The following MACROD2 variants were observed in gnomAD, a reference collection of about 807,000 sequenced individuals.
MACROD2 encodes the protein mono-ADP ribosylhydrolase 2, also known as ADP-ribose glycohydrolase MACROD2.
Under a neutral mutation model 70.4 loss-of-function variants are expected in MACROD2, and 36 were observed. The observed-to-expected ratio is 0.51, with a 90% CI of 0.39 to 0.68. MACROD2 has a LOEUF of 0.68. Among genes scored for constraint, MACROD2 ranks in the 30% least tolerant of loss-of-function variants. The probability of loss-of-function intolerance (pLI) is 0.00; values close to 1 mark genes in which losing one functional copy is unlikely to be tolerated. For missense variants in MACROD2, 496 were observed against 538.4 expected (o/e 0.92, Z 0.78); for synonymous variants, 172 against 178.8 (o/e 0.96, Z 0.30).
intron 5 of MACROD2, among the ~76,000 whole-genome samples, chr20:15,095,864 TG>T (rs2075827798): frequency 2.0e-4 from 3 of 15,296 alleles, no homozygotes; most frequent in Non-Finnish European, 5.1e-4. Flanking sequence ...ATGTTGTTTG[TG>T]TGTGTGTGTG....
chr20:14,311,293 C>T lies in MACROD2; in HGVS notation c.272-182186C>T, dbSNP rs1426164943. Among the ~76,000 whole-genome samples, 8 of 152,262 alleles carry T rather than the reference C, an allele frequency of 5.3e-5. 1 individual carries two copies. Among genetic ancestry groups the T allele is most frequent in the Admixed American group, 1.3e-4 (2 of 15,294 alleles). ...CTATGTTTAGTTATGTTTAGACACA[C>T]AAATACCACTGTGTTACAATTGCTT... is the stretch of plus-strand genomic sequence containing the variant. On this transcript the variant is annotated intron_variant, in intron 3 of 17. Transcript: ENST00000684519.
rs2063755278 is a variant in MACROD2, at chr20:15,804,886, A to AT, written c.646-57858dup. On this transcript the variant is annotated intron_variant, in intron 8 of 17. Coordinates refer to ENST00000684519, the MANE Select transcript of MACROD2 (RefSeq NM_001351661.2). Reference sequence around the variant, plus strand: ...TCCCATGAGTGGCTTTCAACCCATGATCAATAGGGATGATTCCTGCATGCC... The same window carrying AT: ...TCCCATGAGTGGCTTTCAACCCATGATTCAATAGGGATGATTCCTGCATGCC... 6.6e-5 allele frequency among the ~76,000 whole-genome samples: 10 copies of AT among 152,250 alleles called. No homozygotes were observed. In the South Asian group the frequency reaches 2.1e-3, roughly 32 times the overall value.
At chr20:14,293,213 G>A (rs1016511268) in intron 3 of MACROD2, among the ~76,000 whole-genome samples, 20 of 151,452 alleles carry the variant, frequency 1.3e-4, no homozygotes, top group Non-Finnish European at 2.6e-4. Flanking sequence ...TGCTATTCTA[G>A]GCACTGGAGA....
At chr20:14,384,796 G>GA (rs2083454320) in intron 3 of MACROD2, among the ~76,000 whole-genome samples, 1 of 152,100 alleles carries the variant, frequency 6.6e-6, no homozygotes, top group Admixed American at 6.5e-5. Context: ...TTTGCTAAGT[G>GA]AAATTAAACA....
intron 8 of MACROD2, among the ~76,000 whole-genome samples, chr20:15,677,957 C>T (rs565922172): frequency 6.4e-4 from 97 of 151,948 alleles, no homozygotes; most frequent in African/African-American, 1.6e-3. Flanking sequence ...CCCAGCTACT[C>T]GGGAGGCTGA....
intron 10 of MACROD2, among the ~76,000 whole-genome samples, chr20:15,919,001 C>T (rs186800461): frequency 3.3e-5 from 5 of 152,108 alleles, no homozygotes; most frequent in Admixed American, 6.5e-5. Flanking sequence ...TTAGACAGAC[C>T]GATTCTCATT....
chr20:14,296,370 C>T (rs1307559583), intron 3 of MACROD2, among the ~76,000 whole-genome samples: 1 of 151,872 alleles, frequency 6.6e-6, no homozygotes, highest in African/African-American at 2.4e-5. Context: ...CTGCATTATT[C>T]ATAATAGCTC....
At chr20:14,933,769 T>C (rs1297812346) in intron 5 of MACROD2, 1 of 152,216 alleles carries the variant, frequency 6.6e-6, no homozygotes, top group Non-Finnish European at 1.5e-5. Context: ...CCATTTAAAA[T>C]AACTTACTAT....
intron 8 of MACROD2, among the ~76,000 whole-genome samples, chr20:15,591,647 C>A (rs1037232381): frequency 7.4e-6 from 1 of 136,034 alleles, no homozygotes; most frequent in African/African-American, 2.7e-5. Flanking sequence ...TGAGTAAATT[C>A]ATGATTTACT....
intron 5 of MACROD2, among the ~76,000 whole-genome samples, chr20:14,741,997 T>C (rs2083337208): frequency 6.6e-6 from 1 of 152,076 alleles, no homozygotes; most frequent in Non-Finnish European, 1.5e-5. Context: ...GAGAGAAAAA[T>C]GATAGTTCAA....
intron 5 of MACROD2, among the ~76,000 whole-genome samples, chr20:14,803,677 C>T (rs1396277410): frequency 1.3e-5 from 2 of 151,920 alleles, no homozygotes; most frequent in African/African-American, 2.4e-5. Flanking sequence ...GACGGGGTTT[C>T]ACTACATTGA....
chr20:14,080,437 C>T (rs1419759533), intron 2 of MACROD2, among the ~76,000 whole-genome samples: 2 of 71,250 alleles, frequency 2.8e-5, no homozygotes, highest in Admixed American at 2.0e-4. Context: ...AGTGAAACCC[C>T]GTCTCAAAAA....
chr20:15,584,617 C>A (rs188639139), intron 8 of MACROD2, among the ~76,000 whole-genome samples: 65 of 152,302 alleles, frequency 4.3e-4, no homozygotes, highest in African/African-American at 1.4e-3. Flanking sequence ...AATCCCTGTT[C>A]AGCCACTAAT....
chr20:14,241,552 A>G (rs1035891480), intron 3 of MACROD2, among the ~76,000 whole-genome samples: 2 of 152,148 alleles, frequency 1.3e-5, no homozygotes, highest in Admixed American at 6.6e-5. Flanking sequence ...ACATATAAGC[A>G]TATATGTATA....
At chr20:15,926,640 G>C (rs1417679272) in intron 10 of MACROD2, among the ~76,000 whole-genome samples, 2 of 152,192 alleles carry the variant, frequency 1.3e-5, no homozygotes, top group South Asian at 2.1e-4. Flanking sequence ...CTCATTGAAA[G>C]GGGACATTTA....
intron 3 of MACROD2, among the ~76,000 whole-genome samples, chr20:14,420,903 G>A (rs1310373415): frequency 6.6e-6 from 1 of 152,074 alleles, no homozygotes; most frequent in African/African-American, 2.4e-5. Flanking sequence ...ATGTTGCCCA[G>A]GCTGGTCTCG....
At chr20:14,368,106 T>G (rs1364345777) in intron 3 of MACROD2, among the ~76,000 whole-genome samples, 1 of 152,224 alleles carries the variant, frequency 6.6e-6, no homozygotes, top group African/African-American at 2.4e-5. Context: ...CTGATTTCCT[T>G]TAGCTCTTTG....
intron 8 of MACROD2, among the ~76,000 whole-genome samples, chr20:15,590,712 A>G (rs913335983): frequency 6.6e-5 from 10 of 152,062 alleles, no homozygotes; most frequent in African/African-American, 2.4e-4. Context: ...GTGAAAACCT[A>G]TCTCTACAAT....
chr20:14,793,535 C>A (rs2072474904), intron 5 of MACROD2, among the ~76,000 whole-genome samples: 1 of 151,634 alleles, frequency 6.6e-6, no homozygotes, highest in Admixed American at 6.6e-5. Flanking sequence ...GGAATCTTAG[C>A]AGTTATTTCA....
Sources: gnomAD v4.1 joint callset for allele counts (sites outside exome capture counted in the v4.1 genomes callset) on GRCh38, gnomAD v4.1.1 for gene constraint, MANE v1.5 for transcripts, NCBI Gene and HGNC (gene_info 2026-07-23, HGNC 2026-07-21) for gene names.